The following MDFIC2 variants were observed in gnomAD, a reference collection of about 807,000 sequenced individuals.
The protein encoded by MDFIC2 is MyoD family inhibitor domain containing 2.
At chr3:70,304,704 A>G (rs1369594985) in intron 2 of MDFIC2, among the ~76,000 whole-genome samples, 2 of 152,144 alleles carry the variant, frequency 1.3e-5, no homozygotes, top group African/African-American at 2.4e-5. Context: ...GCCAACAGCA[A>G]TACTCTCCTA....
At chr3:70,221,631 T>G (rs902125768) in intron 2 of MDFIC2, among the ~76,000 whole-genome samples, 5 of 152,148 alleles carry the variant, frequency 3.3e-5, no homozygotes, top group Non-Finnish European at 5.9e-5. Context: ...CTAACCTGAT[T>G]TTGGAAACCA....
chr3:70,296,217 T>C (rs962364890), intron 2 of MDFIC2, among the ~76,000 whole-genome samples: 1 of 152,224 alleles, frequency 6.6e-6, no homozygotes, highest in Admixed American at 6.5e-5. Flanking sequence ...ACATCCTTTT[T>C]CCATGAGCCC....
chr3:70,276,499 G>A (rs570133570), intron 2 of MDFIC2, among the ~76,000 whole-genome samples: 5 of 152,036 alleles, frequency 3.3e-5, no homozygotes, highest in African/African-American at 7.3e-5. Context: ...TGAATTATAC[G>A]AAATTTTAAG....
At chr3:70,271,519 C>T (rs1342574616) in intron 2 of MDFIC2, among the ~76,000 whole-genome samples, 1 of 152,188 alleles carries the variant, frequency 6.6e-6, no homozygotes, top group Non-Finnish European at 1.5e-5. Flanking sequence ...AACTATTTAA[C>T]AAACATCACC....
intron 2 of MDFIC2, among the ~76,000 whole-genome samples, chr3:70,262,939 T>G (rs1281112109): frequency 2.0e-5 from 3 of 152,202 alleles, no homozygotes; most frequent in African/African-American, 4.8e-5. Flanking sequence ...CATTTTCATA[T>G]TCACTGCTCT....
chr3:70,267,125 G>C (rs1701923140), intron 2 of MDFIC2, among the ~76,000 whole-genome samples: 1 of 152,170 alleles, frequency 6.6e-6, no homozygotes. Flanking sequence ...AAGGAGAATA[G>C]GAAGTACCAA....
chr3:70,286,857 T>C (rs1204176605), intron 2 of MDFIC2, among the ~76,000 whole-genome samples: 4 of 152,166 alleles, frequency 2.6e-5, no homozygotes, highest in African/African-American at 7.2e-5. Flanking sequence ...GGCTCTCTGT[T>C]TGTCTGTTGT....
At chr3:70,230,100 A>C (rs1234338546) in intron 2 of MDFIC2, among the ~76,000 whole-genome samples, 1 of 152,168 alleles carries the variant, frequency 6.6e-6, no homozygotes, top group Non-Finnish European at 1.5e-5. Flanking sequence ...GGGAGTTGGA[A>C]ATATTTACTT....
rs141693861 is a variant in MDFIC2, at chr3:70,260,267, C to T, written c.88+51619G>A. Among the ~76,000 whole-genome samples, 7 of 152,244 alleles carry T rather than the reference C, an allele frequency of 4.6e-5. No individual in the cohort carries two copies. The East Asian group carries it at 1.4e-3, about 29-fold the overall frequency. On this transcript the variant is annotated intron_variant, in intron 2 of 3. Coordinates refer to ENST00000567252, the MANE Select transcript of MDFIC2 (RefSeq NM_001364677.1). ...TCCAATCTCTGCCTTTGTCATCGTA[C>T]GGCATTTCCCCTGTGTGTGTCTGTG...
intron 2 of MDFIC2, among the ~76,000 whole-genome samples, chr3:70,295,745 T>G (rs1020813114): frequency 2.0e-5 from 3 of 152,170 alleles, no homozygotes; most frequent in Non-Finnish European, 4.4e-5. Context: ...TATTTTAAAG[T>G]GCTGTATCTT....
At chr3:70,291,212 C>T (rs1336693982) in intron 2 of MDFIC2, 1 of 152,162 alleles carries the variant, frequency 6.6e-6, no homozygotes, top group Non-Finnish European at 1.5e-5. Context: ...GGTTTGAAAT[C>T]AGCTCCTCCA....
At chr3:70,224,132 G>A (rs1283446048) in intron 2 of MDFIC2, among the ~76,000 whole-genome samples, 1 of 152,078 alleles carries the variant, frequency 6.6e-6, no homozygotes, top group African/African-American at 2.4e-5. Flanking sequence ...CTAACAAGCA[G>A]AGGGAAAATA....
At chr3:70,280,487 C>T (rs796586641) in intron 2 of MDFIC2, among the ~76,000 whole-genome samples, 3 of 152,292 alleles carry the variant, frequency 2.0e-5, no homozygotes, top group African/African-American at 4.8e-5. Context: ...TTCACCCTTG[C>T]CTCAAGCCCT....
intron 2 of MDFIC2, among the ~76,000 whole-genome samples, chr3:70,299,954 A>G (rs1702331332): frequency 6.6e-6 from 1 of 152,122 alleles, no homozygotes; most frequent in African/African-American, 2.4e-5. Context: ...AAACGTAGCT[A>G]TCGTTCTCTG....
chr3:70,195,546 T>TTTGCCTGA lies in MDFIC2; in HGVS notation c.*1372_*1379dup, dbSNP rs1421561797. Among the ~76,000 whole-genome samples, 50 of 152,312 alleles carry TTTGCCTGA rather than the reference T, an allele frequency of 3.3e-4. No individual in the cohort carries two copies. The highest frequency in any genetic ancestry group is 1.1e-3 in the African/African-American group (45 of 41,576). On this transcript the variant is annotated 3_prime_UTR_variant, in exon 4 of 4. Transcript: ENST00000567252. ...CTACAGAAATAAAGCAAATGGTGAT[T>TTTGCCTGA]TTGCCTGAAATTACCTAAGTCAGGA...
chr3:70,217,715 G>A (rs1380138903), intron 2 of MDFIC2, among the ~76,000 whole-genome samples: 1 of 152,076 alleles, frequency 6.6e-6, no homozygotes, highest in Non-Finnish European at 1.5e-5. Context: ...ATCGAATTGG[G>A]CAGTTAAGGA....
chr3:70,232,339 AT>A (rs1701567063), intron 2 of MDFIC2, among the ~76,000 whole-genome samples: 1 of 151,976 alleles, frequency 6.6e-6, no homozygotes, highest in Admixed American at 6.6e-5. Flanking sequence ...ATCAGTGCAC[AT>A]GTGTCGAATG....
chr3:70,225,726 C>T (rs778892562), intron 2 of MDFIC2, among the ~76,000 whole-genome samples: 6 of 152,002 alleles, frequency 3.9e-5, no homozygotes, highest in Non-Finnish European at 7.4e-5. Flanking sequence ...TAAAGTAGAA[C>T]GATAGTTTGG....
intron 2 of MDFIC2, among the ~76,000 whole-genome samples, chr3:70,219,593 G>C (rs1350771799): frequency 1.3e-5 from 2 of 152,020 alleles, no homozygotes; most frequent in Admixed American, 6.6e-5. Context: ...AAACAAATTG[G>C]GATGAAAAAC....
Sources: gnomAD v4.1 joint callset for allele counts (sites outside exome capture counted in the v4.1 genomes callset) on GRCh38, gnomAD v4.1.1 for gene constraint, MANE v1.5 for transcripts, NCBI Gene and HGNC (gene_info 2026-07-23, HGNC 2026-07-21) for gene names.